CACNA1D: variants seen among roughly 807,000 people sequenced by gnomAD.
The protein encoded by CACNA1D is voltage-dependent L-type calcium channel subunit alpha-1D.
A neutral mutation model predicts 257.1 loss-of-function variants in CACNA1D; 55 were observed. The ratio of observed to expected loss-of-function variants is 0.21; its 90% CI spans 0.17 to 0.27. The LOEUF is 0.27. CACNA1D is among the 10% of genes least tolerant of loss of function. CACNA1D has a pLI of 1.00. For synonymous variants in CACNA1D, 980 were observed against 1,014.9 expected (o/e 0.97, Z 0.65); for missense variants, 1,876 against 2,784.0 (o/e 0.67, Z 7.34).
chr3:53,596,232 A>C (rs148933142), intron 3 of CACNA1D, among the ~76,000 whole-genome samples: 4 of 151,868 alleles, frequency 2.6e-5, no homozygotes, highest in Non-Finnish European at 4.4e-5. Context: ...TCACTGTGTG[A>C]CCTTCATCCC....
intron 3 of CACNA1D, among the ~76,000 whole-genome samples, chr3:53,533,502 G>A (rs939731357): frequency 6.6e-6 from 1 of 152,160 alleles, no homozygotes; most frequent in Non-Finnish European, 1.5e-5. Context: ...CAGAATCAGG[G>A]GAGAGTTTTT....
chr3:53,521,398 C>T (rs530318611), intron 3 of CACNA1D, among the ~76,000 whole-genome samples: 34 of 152,216 alleles, frequency 2.2e-4, no homozygotes, highest in South Asian at 4.2e-4. Flanking sequence ...TTTGATGACG[C>T]GTAATATACA....
At chr3:53,805,980 TCCTCCTCCGTTC>T (rs2095562690) in intron 45 of CACNA1D, among the ~76,000 whole-genome samples, 1 of 107,044 alleles carries the variant, frequency 9.3e-6, no homozygotes. Context: ...TCATCTTCCC[TCCTCCTCCGTTC>T]CTCCCTCATC....
chr3:53,772,810 G>GC, intron 32 of CACNA1D, 23 bp from the exon 33 acceptor site: 1 of 1,609,866 alleles, frequency 6.2e-7, no homozygotes, highest in South Asian at 1.1e-5. Flanking sequence ...CTGGTGCTGA[G>GC]CCAAGTGCCT....
intron 3 of CACNA1D, among the ~76,000 whole-genome samples, chr3:53,603,606 C>T (rs1384857891): frequency 1.3e-5 from 2 of 152,070 alleles, no homozygotes; most frequent in Admixed American, 1.3e-4. Flanking sequence ...GTACTCTTAG[C>T]GACAGAGGGA....
intron 3 of CACNA1D, among the ~76,000 whole-genome samples, chr3:53,535,857 TAG>T (rs1369948966): frequency 1.3e-5 from 2 of 152,204 alleles, no homozygotes; most frequent in Admixed American, 6.5e-5. Flanking sequence ...ATTAAGTTTC[TAG>T]AGTCTTGAAT....
chr3:53,666,284 TGGATTTC>T, intron 6 of CACNA1D, 48 bp from the exon 7 acceptor site: 6 of 1,556,382 alleles, frequency 3.9e-6, no homozygotes, highest in Non-Finnish European at 5.3e-6. Context: ...TCCGCTGGCT[TGGATTTC>T]CTGATGTTTC....
At chr3:53,544,875 G>T (rs967650724) in intron 3 of CACNA1D, among the ~76,000 whole-genome samples, 5 of 152,216 alleles carry the variant, frequency 3.3e-5, no homozygotes, top group African/African-American at 1.2e-4. Context: ...TCGAGGAAGT[G>T]GGGCCACTGG....
At chr3:53,545,660 G>A (rs1199110008) in intron 3 of CACNA1D, among the ~76,000 whole-genome samples, 3 of 152,178 alleles carry the variant, frequency 2.0e-5, no homozygotes, top group African/African-American at 2.4e-5. Flanking sequence ...GAAAGGGCTT[G>A]TGCAGACTGA....
intron 3 of CACNA1D, among the ~76,000 whole-genome samples, chr3:53,559,408 C>A (rs955745324): frequency 6.6e-6 from 1 of 152,042 alleles, no homozygotes; most frequent in Admixed American, 6.6e-5. Context: ...GGAGTATGTT[C>A]TAGACATCTT....
intron 10 of CACNA1D, 113 bp downstream of exon 10, chr3:53,718,501 C>A (rs56101638): frequency 3.2e-6 from 3 of 931,452 alleles, no homozygotes; most frequent in Non-Finnish European, 5.1e-6. Context: ...TTGGGTGTGG[C>A]GGGTGGGAAG....
At position 53,789,606 on chromosome 3, in the gene CACNA1D, A is replaced by G. The variant is rs1263904996; in HGVS notation, c.4923+2654A>G. Among the ~76,000 whole-genome samples the G allele has an allele frequency of 6.6e-6, 1 of 152,256 alleles. No homozygotes were observed. The highest frequency in any genetic ancestry group is 1.5e-5 in the Non-Finnish European group (1 of 68,040). Reference sequence around the variant, plus strand: ...CCCTGAGAGTGGGCGTGGCCTGTTGAGATGGAGGATGGCTTGCCTCCTCCC... The same window carrying G: ...CCCTGAGAGTGGGCGTGGCCTGTTGGGATGGAGGATGGCTTGCCTCCTCCC... On this transcript the variant is annotated intron_variant, in intron 40 of 47. Transcript: ENST00000350061. The surrounding 1 kb of genome is among the most constrained non-coding windows in gnomAD (Gnocchi z 4.2).
At chr3:53,645,092 A>G (rs769254238) in intron 3 of CACNA1D, among the ~76,000 whole-genome samples, 3 of 152,020 alleles carry the variant, frequency 2.0e-5, no homozygotes, top group Admixed American at 1.3e-4. Context: ...GCACTTTTTC[A>G]TGTATCTTTT....
chr3:53,561,011 A>C (rs1325144899), intron 3 of CACNA1D, among the ~76,000 whole-genome samples: 2 of 152,246 alleles, frequency 1.3e-5, no homozygotes, highest in African/African-American at 4.8e-5. Context: ...CTCCTTAGGT[A>C]GGGCACAGAG....
chr3:53,523,286 G>A (rs754080673), intron 3 of CACNA1D, among the ~76,000 whole-genome samples: 2 of 152,178 alleles, frequency 1.3e-5, no homozygotes, highest in Non-Finnish European at 2.9e-5. Context: ...TCAGGTTCCT[G>A]TAACCCTGAG....
chr3:53,590,727 C>T (rs377176884), intron 3 of CACNA1D, among the ~76,000 whole-genome samples: 1 of 152,158 alleles, frequency 6.6e-6, no homozygotes, highest in African/African-American at 2.4e-5. Context: ...CCTGGGCGGC[C>T]GGGCACCCTC....
Position 53,801,388 on chromosome 3 carries a change from C to T in CACNA1D, c.5371C>T (p.His1791Tyr). The T allele has an allele frequency of 6.2e-7, 1 of 1,614,158 alleles. No homozygotes were observed. Among genetic ancestry groups the T allele is most frequent in the Non-Finnish European group, 8.5e-7 (1 of 1,180,008 alleles). Residue 1791 changes from histidine to tyrosine, a missense_variant, in exon 42 of 48, where the codon CAT becomes TAT. This residue lies in a region of CACNA1D where 491 missense variants were observed against 554.3 expected (regional missense o/e 0.89). Transcript: ENST00000350061. ...SENGHHSSHK[H>Y]DREPQRRSSV... ...AAATGGGCATCATTCTTCCCACAAG[C>T]ATGACCGGGAGCCTCAGAGAAGGTC...
Position 53,673,768 on chromosome 3 carries a change from T to C in CACNA1D, c.1220+642T>C. 6.2e-7 allele frequency: 1 copy of C among 1,614,128 alleles called. No individual in the cohort carries two copies. On this transcript the variant is annotated intron_variant, in intron 8 of 47. Coordinates refer to ENST00000350061, the MANE Select transcript of CACNA1D (RefSeq NM_001128840.3). This position sits in a 1 kb window ranked among gnomAD's most constrained non-coding sequence, Gnocchi z 4.1. ...TGGGTGTATTTTGTTAGTCTGATCA[T>C]CCTTGGCTCATTTTTCGTCCTTAAC...
At chr3:53,624,584 C>A (rs2093735403) in intron 3 of CACNA1D, among the ~76,000 whole-genome samples, 2 of 152,182 alleles carry the variant, frequency 1.3e-5, no homozygotes, top group South Asian at 4.1e-4. Flanking sequence ...GGCGTGTTTT[C>A]CTGGCATTTA....
Sources: gnomAD v4.1 joint callset for allele counts (sites outside exome capture counted in the v4.1 genomes callset) on GRCh38, gnomAD v4.1.1 for gene constraint, gnomAD v4.1.1 regional missense constraint, Gnocchi (gnomAD v3.1) non-coding constraint, MANE v1.5 for transcripts, NCBI Gene and HGNC (gene_info 2026-07-23, HGNC 2026-07-21) for gene names.